The following TRHDE variants were observed in gnomAD, a reference collection of about 807,000 sequenced individuals.
TRHDE encodes thyrotropin releasing hormone degrading enzyme, also known as thyrotropin-releasing hormone-degrading ectoenzyme.
Under a neutral mutation model 125.7 loss-of-function variants are expected in TRHDE, and 72 were observed. The ratio of observed to expected loss-of-function variants is 0.57; its 90% confidence interval spans 0.47 to 0.70. The LOEUF (loss-of-function observed/expected upper bound fraction) is 0.70. TRHDE is among the 30% of genes least tolerant of loss of function. The probability of loss-of-function intolerance (pLI) is 0.00; values close to 1 mark genes in which losing one functional copy is unlikely to be tolerated. For missense variants in TRHDE, 1,110 were observed against 1,327.1 expected, an observed-to-expected ratio of 0.84 and a Z score of 2.54; for synonymous variants, 509 against 509.1, an observed-to-expected ratio of 1.00 and a Z score of 0.00.
At position 72,635,577 on chromosome 12, in the gene TRHDE, C is replaced by T. The variant is rs1446616163; in HGVS notation, c.2675+13826C>T. 3.7e-4 allele frequency among the ~76,000 whole-genome samples: 56 copies of T among 152,064 alleles called. No homozygotes were observed. In the East Asian group the frequency reaches 4.1e-3, roughly 11 times the overall value. The stretch of plus-strand genomic sequence containing the variant: ...GTGTTTTAGACATGAAGTCCTTGCC[C>T]GTGCCTATGTCCTGAATGGTAATGC... On this transcript the variant is annotated intron_variant, in intron 15 of 18. Transcript: ENST00000261180.
At chr12:72,579,599 A>G (rs1871147573) in intron 12 of TRHDE, among the ~76,000 whole-genome samples, 1 of 152,158 alleles carries the variant, frequency 6.6e-6, no homozygotes, top group South Asian at 2.1e-4. Context: ...GTTATCATTC[A>G]GAGGTTTTTA....
chr12:72,425,927 C>CATAT lies in TRHDE; in HGVS notation c.1316-43821_1316-43818dup, dbSNP rs34128280. Among the ~76,000 whole-genome samples the CATAT allele has an allele frequency of 5.5e-3, 834 of 151,288 alleles. 3 individuals are homozygous for CATAT. The highest frequency in any genetic ancestry group is 0.017 in the Middle Eastern group (5 of 294). ...TAGAACTATTGGAGTTGCCAAAACT[C>CATAT]ATATATATATATAATTACAAAAGGT... On this transcript the variant is annotated intron_variant, in intron 3 of 18. Coordinates refer to ENST00000261180, the MANE Select transcript of TRHDE (RefSeq NM_013381.3).
chr12:72,271,145 T>C (rs1303676091), upstream of TRHDE, among the ~76,000 whole-genome samples: 2 of 152,230 alleles, frequency 1.3e-5, no homozygotes, highest in Non-Finnish European at 2.9e-5. Flanking sequence ...ATGGGAATTA[T>C]CCTATGGGGA....
At chr12:72,553,519 C>G (rs1869772697) in intron 7 of TRHDE, among the ~76,000 whole-genome samples, 1 of 151,992 alleles carries the variant, frequency 6.6e-6, no homozygotes, top group Non-Finnish European at 1.5e-5. Flanking sequence ...TGTGCTGAGT[C>G]GAATTAGTGT....
chr12:72,617,455 A>T (rs1371325176), intron 12 of TRHDE, among the ~76,000 whole-genome samples: 1 of 152,164 alleles, frequency 6.6e-6, no homozygotes, highest in Non-Finnish European at 1.5e-5. Context: ...TTTAACGAAG[A>T]TGAAAAAGTC....
chr12:72,625,960 A>G (rs1043145296), intron 15 of TRHDE, among the ~76,000 whole-genome samples: 2 of 152,032 alleles, frequency 1.3e-5, no homozygotes, highest in African/African-American at 4.8e-5. Flanking sequence ...GCATGGTGCT[A>G]TATGGCAGAA....
intron 2 of TRHDE, among the ~76,000 whole-genome samples, chr12:72,150,572 TG>T (rs1212740454): frequency 8.2e-6 from 1 of 121,484 alleles, no homozygotes; most frequent in Non-Finnish European, 1.6e-5. Flanking sequence ...CAACAGGCTC[TG>T]GTGTTTGATG....
intron 2 of TRHDE, among the ~76,000 whole-genome samples, chr12:72,151,851 T>G (rs1876374478): frequency 6.8e-6 from 1 of 147,882 alleles, no homozygotes; most frequent in Non-Finnish European, 1.5e-5. Context: ...CTTTGTTCTT[T>G]GGGCTTAGGA....
intron 2 of TRHDE, among the ~76,000 whole-genome samples, chr12:72,161,418 C>T (rs1390401612): frequency 2.1e-5 from 3 of 141,476 alleles, no homozygotes; most frequent in South Asian, 4.4e-4. Context: ...GGCGACAGAG[C>T]GAGACTCCGT....
intron 1 of TRHDE, among the ~76,000 whole-genome samples, chr12:72,097,440 A>ATTTTTTTTTTTTTTTTTTTTTTT (rs869290442): frequency 9.2e-5 from 2 of 21,640 alleles, no homozygotes; most frequent in African/African-American, 1.9e-4. Flanking sequence ...TTCTCACTGA[A>ATTTTTTTTTTTTTTTTTTTTTTT]TTTTTTTTTT....
intron 1 of TRHDE, among the ~76,000 whole-genome samples, chr12:72,275,434 C>G (rs12229324): frequency 0.56 from 84,459 of 151,958 alleles, 26,908 homozygotes; most frequent in East Asian, 0.8. Flanking sequence ...TATTTTAAAC[C>G]CCCTTCTACC....
At chr12:72,449,908 CCTT>C (rs778232304) in intron 3 of TRHDE, among the ~76,000 whole-genome samples, 31 of 152,092 alleles carry the variant, frequency 2.0e-4, no homozygotes, top group Admixed American at 5.9e-4. Context: ...TCACTTTTCT[CCTT>C]CTAGTTTCCT....
At chr12:72,331,741 G>C (rs927829467) in intron 2 of TRHDE, among the ~76,000 whole-genome samples, 1 of 152,174 alleles carries the variant, frequency 6.6e-6, no homozygotes, top group African/African-American at 2.4e-5. Context: ...GCCCAACCTA[G>C]AGGAAGTTGT....
At position 72,321,118 on chromosome 12, in the gene TRHDE, A is replaced by G. The variant is rs145923298; in HGVS notation, c.1188+34164A>G. Among the ~76,000 whole-genome samples, 12 of 152,278 alleles carry G rather than the reference A, an allele frequency of 7.9e-5. No individual in the cohort carries two copies. In the East Asian group the frequency reaches 2.3e-3, roughly 29 times the overall value. On this transcript the variant is annotated intron_variant, in intron 2 of 18. Coordinates refer to ENST00000261180, the MANE Select transcript of TRHDE (RefSeq NM_013381.3). ...AAAAATAAACTTGTGATTCTCAGCAATTTTATGTCATTTTCGATAGAGGCA... is the reference window on the plus strand; with the variant it reads ...AAAAATAAACTTGTGATTCTCAGCAGTTTTATGTCATTTTCGATAGAGGCA...
intron 2 of TRHDE, among the ~76,000 whole-genome samples, chr12:72,350,832 G>A (rs955383082): frequency 2.6e-5 from 4 of 151,972 alleles, no homozygotes; most frequent in African/African-American, 9.7e-5. Flanking sequence ...TAGCGGTTTG[G>A]CTTAGCAAGG....
intron 2 of TRHDE, among the ~76,000 whole-genome samples, chr12:72,169,518 G>A (rs765481196): frequency 3.3e-5 from 5 of 152,076 alleles, no homozygotes; most frequent in Admixed American, 6.6e-5. Flanking sequence ...CTGTACCAGT[G>A]TGGAGAGAAA....
chr12:72,527,504 A>G (rs1169770248), intron 6 of TRHDE, among the ~76,000 whole-genome samples: 1 of 151,980 alleles, frequency 6.6e-6, no homozygotes, highest in African/African-American at 2.4e-5. Context: ...AGAAATGGCC[A>G]TCAGAGGCAG....
At chr12:72,417,205 A>G (rs929102641) in intron 3 of TRHDE, among the ~76,000 whole-genome samples, 4 of 151,958 alleles carry the variant, frequency 2.6e-5, no homozygotes, top group Non-Finnish European at 5.9e-5. Context: ...TGCTTTTCAT[A>G]TGTTGATTTT....
chr12:72,311,753 A>G (rs1868553142), intron 2 of TRHDE, among the ~76,000 whole-genome samples: 1 of 152,294 alleles, frequency 6.6e-6, no homozygotes, highest in Admixed American at 6.5e-5. Context: ...CCAGTAATGC[A>G]GAAACTGGAG....
Sources: allele counts gnomAD v4.1 joint callset (sites outside exome capture counted in the v4.1 genomes callset), GRCh38; gene constraint gnomAD v4.1.1; transcripts MANE v1.5; gene names NCBI Gene and HGNC (gene_info 2026-07-23, HGNC 2026-07-21).